Variants in DOCK8 observed in about 807,000 individuals in gnomAD.
DOCK8 encodes dedicator of cytokinesis protein 8.
DOCK8 carries 141 observed loss-of-function variants against 245.6 expected under a neutral mutation model. The ratio of observed to expected loss-of-function variants is 0.57; its 90% confidence interval spans 0.50 to 0.66. The LOEUF is 0.66. Ranked by LOEUF, DOCK8 falls within the 30% of genes least tolerant of loss-of-function variation. The pLI is 0.00. For missense variants in DOCK8, 2,965 were observed against 2,603.4 expected (o/e 1.14, Z -3.02); for synonymous variants, 1,168 against 970.2 (o/e 1.20, Z -3.79).
intron 1 of DOCK8, among the ~76,000 whole-genome samples, chr9:261,601 T>G (rs1233333163): frequency 6.6e-6 from 1 of 152,250 alleles, no homozygotes; most frequent in Non-Finnish European, 1.5e-5. Flanking sequence ...TAGTGTTTTC[T>G]GTATATGTCA....
At chr9:287,404 A>G (rs1586603416) in intron 3 of DOCK8, among the ~76,000 whole-genome samples, 1 of 152,238 alleles carries the variant, frequency 6.6e-6, no homozygotes, top group Admixed American at 6.5e-5. Flanking sequence ...TTTTATTTAC[A>G]TTTATTTTAA....
At chr9:216,634 G>A (rs917795685) in intron 1 of DOCK8, among the ~76,000 whole-genome samples, 1 of 151,658 alleles carries the variant, frequency 6.6e-6, no homozygotes, top group Non-Finnish European at 1.5e-5. Context: ...GCTGTTGCAT[G>A]CCAGGAGGGG....
chr9:432,140 CTTTTTT>C lies in DOCK8; in HGVS notation c.4627-17_4627-12del. 1 of 1,470,200 alleles carries C rather than the reference CTTTTTT, an allele frequency of 6.8e-7. No homozygotes were observed. The allele number at this position is 1,470,200 out of a possible 1,614,324, so 91.1% of individuals were successfully genotyped here. A position where few individuals can be genotyped will look rare whatever the true frequency, so the allele number is the denominator to read the frequency against. On this transcript the variant is annotated intron_variant, in intron 36 of 47. Transcript: ENST00000432829. The stretch of plus-strand genomic sequence containing the variant: ...GCTAAGTGTGTCTTATTTACTTCAT[CTTTTTT>C]TTTTTTTTCACTGATGCAGAATTTT...
intron 1 of DOCK8, among the ~76,000 whole-genome samples, chr9:256,133 G>T (rs2047767661): frequency 6.6e-6 from 1 of 152,168 alleles, no homozygotes; most frequent in South Asian, 2.1e-4. Context: ...TTTTATTAAG[G>T]ATACAGTATT....
rs576162743 is a variant in DOCK8, at chr9:444,255, C to T, written c.5580+739C>T. 3.3e-5 allele frequency among the ~76,000 whole-genome samples: 5 copies of T among 151,998 alleles called. No individual in the cohort carries two copies. In the South Asian group the frequency reaches 8.3e-4, roughly 25 times the overall value. ...GCCAGCTTCAAGAGGGACCCCCAGG[C>T]CAGCCACGCTTCTGATCAGCCAGCT... On this transcript the variant is annotated intron_variant, in intron 43 of 47. Coordinates refer to ENST00000432829, the MANE Select transcript of DOCK8 (RefSeq NM_203447.4).
chr9:372,171 A>C lies in DOCK8; in HGVS notation c.2008-14A>C, dbSNP rs780279431. ...TAATAAATACCACTTTATTATTTAC[A>C]TCATCTGTTTCAGTGGCTGCCAATT... On this transcript the variant is annotated splice_polypyrimidine_tract_variant and intron_variant, in intron 17 of 47. Coordinates refer to ENST00000432829, the MANE Select transcript of DOCK8 (RefSeq NM_203447.4). The C allele has an allele frequency of 1.0e-5, 16 of 1,605,046 alleles. No homozygotes were observed. In the Admixed American group the frequency reaches 2.5e-4, roughly 25 times the overall value.
Position 406,931 on chromosome 9 carries a change from A to G in DOCK8, c.3392A>G (p.Asn1131Ser). 1 of 1,613,854 alleles carries G rather than the reference A, an allele frequency of 6.2e-7. No individual in the cohort carries two copies. Among genetic ancestry groups the G allele is most frequent in the Non-Finnish European group, 8.5e-7 (1 of 1,179,942 alleles). The stretch of plus-strand genomic sequence containing the variant: ...AAATGGCTCCTTACGTTTCTGTAGA[A>G]CTCAAGCTCCTGCTCCAGCTTCCAG... ...TSPCPSISSQ[N>S]SSSCSSFQDQ... is the part of the protein sequence containing the mutation. The change falls in exon 28 of 48, where the codon AAC (asparagine) becomes AGC (serine). Residue 1131 changes from asparagine to serine, a missense_variant and splice_region_variant. Asn to Ser is a conservative substitution (Grantham distance 46). This residue lies in a region of DOCK8 where 2,825 missense variants were observed against 2,453.5 expected (regional missense o/e 1.15). Transcript: ENST00000432829.
At chr9:457,195 T>TAGGC (rs1188542522) in intron 46 of DOCK8, 1 of 152,030 alleles carries the variant, frequency 6.6e-6, no homozygotes, top group Non-Finnish European at 1.5e-5. Flanking sequence ...ATGGCTTTCC[T>TAGGC]AGGCAGTATA....
chr9:214,584 C>T (rs775609594), upstream of DOCK8: 1 of 1,614,066 alleles, frequency 6.2e-7, no homozygotes, highest in East Asian at 2.2e-5. Flanking sequence ...TCCCTGGCAG[C>T]CTCGCAGCTT....
At chr9:341,069 C>G in intron 14 of DOCK8, among the ~76,000 whole-genome samples, 1 of 152,216 alleles carries the variant, frequency 6.6e-6, no homozygotes, top group Non-Finnish European at 1.5e-5. Flanking sequence ...ATAGCATTTA[C>G]AGCAATAACA....
intron 1 of DOCK8, among the ~76,000 whole-genome samples, chr9:251,309 G>A (rs1587665032): frequency 6.6e-6 from 1 of 152,136 alleles, no homozygotes; most frequent in East Asian, 1.9e-4. Context: ...TCAATGTTTA[G>A]AAGTTGCTCT....
intron 43 of DOCK8, among the ~76,000 whole-genome samples, chr9:443,805 G>C (rs2131825860): frequency 6.6e-6 from 1 of 152,268 alleles, no homozygotes; most frequent in African/African-American, 2.4e-5. Flanking sequence ...CCTGGAAGTA[G>C]ATTTTGTCAT....
intron 12 of DOCK8, 129 bp downstream of exon 12, chr9:336,847 T>G (rs2051334941): frequency 1.8e-6 from 2 of 1,122,024 alleles, no homozygotes; most frequent in Admixed American, 3.5e-5. Flanking sequence ...GTTCATTTTC[T>G]GCTGCTTATA....
At chr9:341,533 C>T (rs2051589654) in intron 14 of DOCK8, among the ~76,000 whole-genome samples, 1 of 152,104 alleles carries the variant, frequency 6.6e-6, no homozygotes, top group Non-Finnish European at 1.5e-5. Flanking sequence ...TTCTTTTATC[C>T]CCAGTCTCCA....
At chr9:386,523 C>T in intron 23 of DOCK8, 97 bp downstream of exon 23, 1 of 991,946 alleles carries the variant, frequency 1.0e-6, no homozygotes, top group African/African-American at 1.6e-5. Context: ...AAGTGCTCCC[C>T]TGCCTGTCCC....
chr9:446,478 A>T lies in DOCK8; in HGVS notation c.5689A>T (p.Thr1897Ser). ...NFNLRRFMYT[T>S]PFTLEGRPRG... The stretch of plus-strand genomic sequence containing the variant: ...CAACCTCCGGAGGTTCATGTACACC[A>T]CCCCGTTCACCCTGGAGGGGCGGCC... Residue 1897 changes from threonine to serine, a missense_variant, in exon 44 of 48, where the codon ACC (threonine) becomes TCC (serine). This residue lies in a region of DOCK8 where 2,825 missense variants were observed against 2,453.5 expected (regional missense o/e 1.15). Coordinates refer to ENST00000432829, the MANE Select transcript of DOCK8 (RefSeq NM_203447.4). 1 of 1,613,936 alleles carries T rather than the reference A, an allele frequency of 6.2e-7. No homozygotes were observed. The highest frequency in any genetic ancestry group is 8.5e-7 in the Non-Finnish European group (1 of 1,179,988).
In DOCK8 at chr9:432,374, A is replaced by G. The variant is rs368257421; in HGVS notation, c.4785+50A>G. On this transcript the variant is annotated intron_variant, in intron 37 of 47. Transcript: ENST00000432829. ...TCATGCATGAGTTTGGGATCTGCCA[A>G]CTATTGTGTATGTATGTATGTACAT... The G allele has an allele frequency of 7.8e-5, 123 of 1,568,012 alleles. No homozygotes were observed. In the Middle Eastern group the frequency reaches 6.5e-3, roughly 83 times the overall value.
intron 1 of DOCK8, among the ~76,000 whole-genome samples, chr9:248,298 C>A (rs1333139516): frequency 6.6e-6 from 1 of 152,216 alleles, no homozygotes; most frequent in African/African-American, 2.4e-5. Flanking sequence ...CACCTTTAAG[C>A]CGTCAATACT....
At chr9:403,884 CTCTCTCTCTATA>C (rs1300497642) in intron 26 of DOCK8, among the ~76,000 whole-genome samples, 5 of 89,712 alleles carry the variant, frequency 5.6e-5, no homozygotes, top group African/African-American at 1.4e-4. Flanking sequence ...CTCTCTCTCT[CTCTCTCTCTATA>C]TATATATATA....
Sources: gnomAD v4.1 joint callset for allele counts (sites outside exome capture counted in the v4.1 genomes callset) on GRCh38, gnomAD v4.1.1 for gene constraint, gnomAD v4.1.1 regional missense constraint, MANE v1.5 for transcripts, NCBI Gene and HGNC (gene_info 2026-07-23, HGNC 2026-07-21) for gene names.